ADAMTSL1: variants seen among roughly 807,000 people sequenced by gnomAD.
The protein encoded by ADAMTSL1 is ADAMTS-like protein 1.
In ADAMTSL1, 126 loss-of-function variants were observed where a neutral mutation model predicts 201.8. The ratio of observed to expected loss-of-function variants is 0.62; its 90% confidence interval spans 0.54 to 0.72. The LOEUF (loss-of-function observed/expected upper bound fraction) is 0.72. ADAMTSL1 is among the 30% of genes least tolerant of loss of function. The pLI is 0.00. For synonymous variants in ADAMTSL1, 1,121 were observed against 903.4 expected (o/e 1.24, Z -4.32); for missense variants, 2,679 against 2,277.8 (o/e 1.18, Z -3.59).
chr9:18,661,111 C>G (rs1028029024), intron 8 of ADAMTSL1, among the ~76,000 whole-genome samples: 2 of 151,962 alleles, frequency 1.3e-5, no homozygotes, highest in Non-Finnish European at 2.9e-5. Context: ...GATCACCACC[C>G]TACCAGAAAT....
At chr9:18,031,654 A>G (rs1260799128) in intron 1 of ADAMTSL1, among the ~76,000 whole-genome samples, 1 of 152,186 alleles carries the variant, frequency 6.6e-6, no homozygotes, top group Non-Finnish European at 1.5e-5. Context: ...CCCACCCTCC[A>G]AGTCCATTCC....
chr9:18,580,537 C>G (rs1823030530), intron 4 of ADAMTSL1, among the ~76,000 whole-genome samples: 1 of 152,126 alleles, frequency 6.6e-6, no homozygotes, highest in Admixed American at 6.5e-5. Context: ...TTATTCTGCT[C>G]TTTTCATAGC....
At chr9:18,312,068 A>G (rs545348959) in intron 2 of ADAMTSL1, among the ~76,000 whole-genome samples, 1 of 152,350 alleles carries the variant, frequency 6.6e-6, no homozygotes, top group East Asian at 1.9e-4. Flanking sequence ...GAAAATGTGC[A>G]GTATTCAGGC....
intron 2 of ADAMTSL1, among the ~76,000 whole-genome samples, chr9:18,177,810 G>T (rs1828243263): frequency 6.6e-6 from 1 of 152,196 alleles, no homozygotes. Context: ...GGGGAATCTG[G>T]GCAGCCATAC....
intron 1 of ADAMTSL1, among the ~76,000 whole-genome samples, chr9:18,093,013 A>G (rs912210189): frequency 1.3e-5 from 2 of 152,144 alleles, no homozygotes; most frequent in Non-Finnish European, 2.9e-5. Flanking sequence ...GCTGTGCCAT[A>G]TTTTAAGACT....
At chr9:18,701,041 C>T (rs1402960556) in intron 13 of ADAMTSL1, among the ~76,000 whole-genome samples, 1 of 152,090 alleles carries the variant, frequency 6.6e-6, no homozygotes, top group Non-Finnish European at 1.5e-5. Context: ...CAACTGCATT[C>T]CACTAGACAC....
intron 19 of ADAMTSL1, among the ~76,000 whole-genome samples, chr9:18,784,460 G>A (rs1588105296): frequency 1.3e-5 from 2 of 152,146 alleles, no homozygotes; most frequent in African/African-American, 2.4e-5. Flanking sequence ...AGGAGGCTGC[G>A]GTCTGCAAGG....
rs544519168 is a variant in ADAMTSL1 at position 18,369,482 on chromosome 9, G to A, written c.208-135347G>A. ...TTATTAAAAAGTCAAAAAACAACAAGTGTTGGTTAGGATGCAGAAAAAAGA... is the reference window on the plus strand; with the variant it reads ...TTATTAAAAAGTCAAAAAACAACAAATGTTGGTTAGGATGCAGAAAAAAGA... On this transcript the variant is annotated intron_variant, in intron 2 of 29. Transcript: ENST00000680146. Among the ~76,000 whole-genome samples the A allele has an allele frequency of 3.8e-3, 574 of 152,234 alleles. 1 individual carries two copies. The highest frequency in any genetic ancestry group is 6.9e-3 in the Admixed American group (105 of 15,298).
At chr9:18,021,010 A>G (rs1820458676) in intron 1 of ADAMTSL1, among the ~76,000 whole-genome samples, 1 of 152,162 alleles carries the variant, frequency 6.6e-6, no homozygotes, top group African/African-American at 2.4e-5. Context: ...GATGGTCTGC[A>G]CAGTGGTACT....
intron 2 of ADAMTSL1, among the ~76,000 whole-genome samples, chr9:18,372,030 T>A (rs1172872386): frequency 6.6e-6 from 1 of 152,200 alleles, no homozygotes; most frequent in Non-Finnish European, 1.5e-5. Flanking sequence ...AAATTTTTAA[T>A]TAATACAAGA....
chr9:18,242,213 A>C (rs186904259), intron 2 of ADAMTSL1, among the ~76,000 whole-genome samples: 1 of 152,196 alleles, frequency 6.6e-6, no homozygotes, highest in Non-Finnish European at 1.5e-5. Context: ...AACATATGCA[A>C]ATCAATCAAT....
At chr9:18,353,241 A>G (rs754656431) in intron 2 of ADAMTSL1, among the ~76,000 whole-genome samples, 4 of 152,212 alleles carry the variant, frequency 2.6e-5, no homozygotes, top group Admixed American at 6.5e-5. Context: ...CAGTAGTAGC[A>G]GCAGTGGTAA....
In ADAMTSL1 at chr9:18,721,796, T is replaced by C. The variant is rs114054093; in HGVS notation, c.2006+131T>C. The C allele has an allele frequency of 4.8e-3, 6,567 of 1,374,946 alleles. 23 individuals are homozygous for C. Among genetic ancestry groups the C allele is most frequent in the Middle Eastern group, 9.6e-3 (49 of 5,092 alleles). The allele number at this position is 1,374,946 out of a possible 1,614,324, so 85.2% of individuals were successfully genotyped here. A position where few individuals can be genotyped will look rare whatever the true frequency, so the allele number is the denominator to read the frequency against. On this transcript the variant is annotated intron_variant, in intron 15 of 28. Transcript: ENST00000380548. ...AACCAATTAGCATCAGTTCAAACTT[T>C]TAGTCAAATCCACTTAAGTTTAATT...
chr9:18,246,822 T>G (rs1467855269), intron 2 of ADAMTSL1, among the ~76,000 whole-genome samples: 1 of 152,088 alleles, frequency 6.6e-6, no homozygotes, highest in Non-Finnish European at 1.5e-5. Context: ...ACATCAAAAT[T>G]AAACAAATAC....
At chr9:18,838,447 AAG>A (rs1454909854) in intron 23 of ADAMTSL1, among the ~76,000 whole-genome samples, 3 of 151,474 alleles carry the variant, frequency 2.0e-5, no homozygotes, top group African/African-American at 7.3e-5. Context: ...AAGGTAGGGA[AAG>A]AGAGAAAAGC....
intron 2 of ADAMTSL1, among the ~76,000 whole-genome samples, chr9:18,425,952 T>A (rs1819199630): frequency 6.6e-6 from 1 of 151,878 alleles, no homozygotes; most frequent in African/African-American, 2.4e-5. Flanking sequence ...ATGTTATTAT[T>A]GAAAGATGAG....
rs529017606 is a variant in ADAMTSL1 at position 18,861,513 on chromosome 9, A to C, written c.4250-26318A>C. 3.8e-4 allele frequency among the ~76,000 whole-genome samples: 58 copies of C among 152,326 alleles called. 1 individual carries two copies. The highest frequency in any genetic ancestry group is 2.9e-4 in the Non-Finnish European group (20 of 68,028). On this transcript the variant is annotated intron_variant, in intron 23 of 28. Transcript: ENST00000380548. ...AGGAGTCTCTGGAGTATATAAATCC[A>C]AGGCAAACTGAGAACCACACCCAAA...
chr9:17,970,668 C>G (rs1307190768), intron 1 of ADAMTSL1, among the ~76,000 whole-genome samples: 1 of 152,052 alleles, frequency 6.6e-6, no homozygotes, highest in African/African-American at 2.4e-5. Context: ...AGTCTGAGCT[C>G]ATGCATCATC....
At chr9:18,295,007 G>C (rs915683275) in intron 2 of ADAMTSL1, among the ~76,000 whole-genome samples, 1 of 151,828 alleles carries the variant, frequency 6.6e-6, no homozygotes, top group Non-Finnish European at 1.5e-5. Flanking sequence ...AGATCACAGC[G>C]TGTGGCTGTC....
Sources: allele counts gnomAD v4.1 joint callset (sites outside exome capture counted in the v4.1 genomes callset), GRCh38; gene constraint gnomAD v4.1.1; transcripts MANE v1.5; gene names NCBI Gene and HGNC (gene_info 2026-07-23, HGNC 2026-07-21).